The following GRM7 variants were observed in gnomAD, a reference collection of about 807,000 sequenced individuals.
GRM7 encodes the protein glutamate metabotropic receptor 7.
A neutral mutation model predicts 84.5 loss-of-function variants in GRM7; 35 were observed. The ratio of observed to expected loss-of-function variants is 0.41; its 90% confidence interval spans 0.32 to 0.55. The LOEUF is 0.55. Ranked by LOEUF, GRM7 falls within the 20% of genes least tolerant of loss-of-function variation. The pLI is 0.19. For synonymous variants in GRM7, 487 were observed against 455.1 expected (o/e 1.07, Z -0.89); for missense variants, 1,003 against 1,194.6 (o/e 0.84, Z 2.36).
chr3:7,637,372 C>T (rs2125101783), intron 8 of GRM7, among the ~76,000 whole-genome samples: 1 of 152,266 alleles, frequency 6.6e-6, no homozygotes, highest in African/African-American at 2.4e-5. Flanking sequence ...TGTTTCCTTA[C>T]AAAAGAATGA....
intron 8 of GRM7, among the ~76,000 whole-genome samples, chr3:7,612,782 G>C (rs1696902423): frequency 1.3e-5 from 2 of 152,092 alleles, no homozygotes; most frequent in Non-Finnish European, 2.9e-5. Flanking sequence ...AAAGTGATTT[G>C]GGCACCAAGG....
At chr3:7,456,467 A>G (rs552599105) in intron 6 of GRM7, among the ~76,000 whole-genome samples, 5 of 149,434 alleles carry the variant, frequency 3.3e-5, no homozygotes, top group South Asian at 2.1e-4. Flanking sequence ...TTTTTAACAG[A>G]TAAGGAAACT....
intron 1 of GRM7, among the ~76,000 whole-genome samples, chr3:6,922,571 T>C (rs1396110753): frequency 1.3e-5 from 2 of 152,244 alleles, no homozygotes; most frequent in African/African-American, 4.8e-5. Context: ...TGGCTTTTTT[T>C]GAATTGTTGG....
chr3:6,862,722 T>TA lies in GRM7; in HGVS notation c.519+815_519+816insA, dbSNP rs1694799998. 8.3e-6 allele frequency: 2 copies of TA among 241,410 alleles called. No homozygotes were observed. The highest frequency in any genetic ancestry group is 6.0e-5 in the South Asian group (2 of 33,334). 15.0% of individuals were successfully genotyped at this position (241,410 alleles called of 1,614,324 possible). ...ATCGCTCTCCCTGCCTCCTCCCTCCTCCCCCCCGCCCCCCTCACCCACTAT... is the reference window on the plus strand; with the variant it reads ...ATCGCTCTCCCTGCCTCCTCCCTCCTACCCCCCCGCCCCCCTCACCCACTAT... On this transcript the variant is annotated intron_variant, in intron 1 of 9. Coordinates refer to ENST00000357716, the MANE Select transcript of GRM7 (RefSeq NM_000844.4). The surrounding 1 kb of genome is among the most constrained non-coding windows in gnomAD (Gnocchi z 5.2).
intron 4 of GRM7, among the ~76,000 whole-genome samples, chr3:7,347,406 C>T (rs1346872051): frequency 6.6e-6 from 1 of 152,120 alleles, no homozygotes; most frequent in Admixed American, 6.6e-5. Context: ...TTTAGTTCAC[C>T]TGTGATATTT....
At chr3:7,075,690 C>T (rs894719299) in intron 1 of GRM7, among the ~76,000 whole-genome samples, 2 of 151,788 alleles carry the variant, frequency 1.3e-5, no homozygotes, top group Non-Finnish European at 2.9e-5. Flanking sequence ...CATGCCCAGC[C>T]AATTTTTGTA....
At chr3:7,635,427 A>G (rs1422115367) in intron 8 of GRM7, among the ~76,000 whole-genome samples, 1 of 152,198 alleles carries the variant, frequency 6.6e-6, no homozygotes, top group Non-Finnish European at 1.5e-5. Flanking sequence ...GAGTTGTCAA[A>G]CCAACCTAAC....
At chr3:7,727,667 C>T (rs1015629112) in intron 9 of GRM7, among the ~76,000 whole-genome samples, 1 of 152,148 alleles carries the variant, frequency 6.6e-6, no homozygotes, top group Non-Finnish European at 1.5e-5. Context: ...CAGTCAATGC[C>T]GACCCAATTT....
At chr3:7,434,951 C>T (rs1216688922) in intron 5 of GRM7, among the ~76,000 whole-genome samples, 2 of 152,024 alleles carry the variant, frequency 1.3e-5, no homozygotes, top group Non-Finnish European at 2.9e-5. Context: ...GGGAGATTTT[C>T]GAATGTATAT....
chr3:7,437,168 T>G (rs1165068861), intron 5 of GRM7, among the ~76,000 whole-genome samples: 1 of 152,240 alleles, frequency 6.6e-6, no homozygotes, highest in Non-Finnish European at 1.5e-5. Flanking sequence ...CTATCTCTTC[T>G]ACTTTAAGCT....
intron 2 of GRM7, among the ~76,000 whole-genome samples, chr3:7,287,039 T>A (rs896814748): frequency 5.3e-5 from 8 of 152,098 alleles, no homozygotes; most frequent in Admixed American, 1.3e-4. Flanking sequence ...GTTTCCTGAT[T>A]CCTGGACAGA....
At chr3:6,931,659 C>T (rs192970301) in intron 1 of GRM7, among the ~76,000 whole-genome samples, 81 of 152,284 alleles carry the variant, frequency 5.3e-4, no homozygotes, top group African/African-American at 1.8e-3. Flanking sequence ...GTAGCACTCC[C>T]CTCTTTTGTG....
chr3:7,023,294 T>C (rs1313595602), intron 1 of GRM7, among the ~76,000 whole-genome samples: 2 of 152,110 alleles, frequency 1.3e-5, no homozygotes, highest in Non-Finnish European at 2.9e-5. Flanking sequence ...GAAAGAAGCT[T>C]TGCTGGTCAG....
chr3:6,994,361 A>G (rs1239985174), intron 1 of GRM7, among the ~76,000 whole-genome samples: 1 of 152,172 alleles, frequency 6.6e-6, no homozygotes, highest in East Asian at 1.9e-4. Flanking sequence ...AAACCTGAGC[A>G]TGTTAGCTGG....
intron 7 of GRM7, among the ~76,000 whole-genome samples, chr3:7,538,794 C>A (rs553842151): frequency 6.6e-6 from 1 of 152,094 alleles, no homozygotes; most frequent in Non-Finnish European, 1.5e-5. Context: ...GCAGGTGCAA[C>A]CTATCATGGA....
At chr3:7,573,358 G>T (rs2125048266) in intron 7 of GRM7, among the ~76,000 whole-genome samples, 1 of 152,142 alleles carries the variant, frequency 6.6e-6, no homozygotes, top group Middle Eastern at 3.4e-3. Flanking sequence ...CAGCCAGCTT[G>T]GTCTATGGAG....
intron 8 of GRM7, among the ~76,000 whole-genome samples, chr3:7,669,114 G>C (rs1354392873): frequency 1.3e-5 from 2 of 152,210 alleles, no homozygotes; most frequent in African/African-American, 4.8e-5. Flanking sequence ...ATCTTTTGCT[G>C]TACAATATAT....
At chr3:7,626,774 C>T (rs1697634754) in intron 8 of GRM7, among the ~76,000 whole-genome samples, 5 of 152,120 alleles carry the variant, frequency 3.3e-5, no homozygotes. Flanking sequence ...AATAAGGTCA[C>T]ATTCTGTAGC....
intron 9 of GRM7, among the ~76,000 whole-genome samples, chr3:7,695,936 T>G (rs1700998542): frequency 6.6e-6 from 1 of 152,226 alleles, no homozygotes; most frequent in South Asian, 2.1e-4. Context: ...TTAAATAATC[T>G]TAAACATTCG....
Sources: allele counts gnomAD v4.1 joint callset (sites outside exome capture counted in the v4.1 genomes callset), GRCh38; gene constraint gnomAD v4.1.1; non-coding constraint Gnocchi (gnomAD v3.1); transcripts MANE v1.5; gene names NCBI Gene and HGNC (gene_info 2026-07-23, HGNC 2026-07-21).